Variants in LMBRD2 observed in about 807,000 individuals in gnomAD.
LMBRD2 encodes the protein LMBR1 domain containing 2, also known as G protein-coupled receptor-associated protein LMBRD2.
Under a neutral mutation model 94.4 loss-of-function variants are expected in LMBRD2, and 55 were observed. The observed-to-expected ratio is 0.58, with a 90% confidence interval of 0.47 to 0.73. LMBRD2 has a LOEUF of 0.73. Ranked by LOEUF, LMBRD2 falls within the 30% of genes least tolerant of loss-of-function variation. LMBRD2 has a pLI of 0.00. For missense variants in LMBRD2, 640 were observed against 831.9 expected (o/e 0.77, Z 2.84); for synonymous variants, 246 against 272.4 (o/e 0.90, Z 0.95).
intron 9 of LMBRD2, among the ~76,000 whole-genome samples, 183 bp downstream of exon 9, chr5:36,122,097 G>A (rs1166992280): frequency 6.6e-6 from 1 of 152,060 alleles, no homozygotes; most frequent in African/African-American, 2.4e-5. Flanking sequence ...GAAACTGATG[G>A]ATTATATGTT....
intron 4 of LMBRD2, among the ~76,000 whole-genome samples, chr5:36,138,059 C>A (rs1188553884): frequency 1.3e-5 from 2 of 152,042 alleles, no homozygotes; most frequent in Non-Finnish European, 2.9e-5. Flanking sequence ...AGGTAGAGAA[C>A]AGAAGGAGGG....
chr5:36,103,405 T>C lies in LMBRD2; in HGVS notation c.*641A>G, dbSNP rs945147607. On this transcript the variant is annotated 3_prime_UTR_variant, in exon 18 of 18. Transcript: ENST00000296603. ...GGAATACTATATCACCTGATTATAG[T>C]ACACATGCTAAATACACAGACACGC... 1.3e-5 allele frequency: 2 copies of C among 152,316 alleles called. No individual in the cohort carries two copies. Among genetic ancestry groups the C allele is most frequent in the African/African-American group, 4.8e-5 (2 of 41,418 alleles). 9.4% of individuals were successfully genotyped at this position (152,316 alleles called of 1,614,324 possible).
At chr5:36,142,716 CTTT>C (rs878956939) in intron 2 of LMBRD2, 117 bp from the exon 3 acceptor site, 262 of 392,786 alleles carry the variant, frequency 6.7e-4, no homozygotes, top group East Asian at 7.7e-4. Context: ...ATGCTTTATT[CTTT>C]TTTTTTTTTT....
At position 36,143,268 on chromosome 5, in the gene LMBRD2, T is replaced by C. The variant is rs146504133; in HGVS notation, c.82A>G (p.Lys28Glu). Residue 28 changes from lysine (K) to glutamate (E), a missense_variant, in exon 2 of 18, where the codon AAG becomes GAG. Physicochemically the swap from Lys to Glu is moderately conservative, Grantham distance 56. Around this residue, in one of 2 missense-constraint regions of LMBRD2, gnomAD observed 457 missense variants for 642.8 expected, o/e 0.71. Transcript: ENST00000296603. ...ATAATCACAAGTCTATGCTGTTTCTTAAAGTCTCCATATCGATGAAGCAGA... is the reference window on the plus strand; with the variant it reads ...ATAATCACAAGTCTATGCTGTTTCTCAAAGTCTCCATATCGATGAAGCAGA... The part of the protein sequence containing the change: ...LFLLHRYGDF[K>E]KQHRLVIIGT... The C allele has an allele frequency of 4.6e-4, 737 of 1,612,942 alleles. 8 individuals carry two copies. In the Middle Eastern group the frequency reaches 7.8e-3, roughly 17 times the overall value.
chr5:36,133,451 G>A (rs1744200255), intron 6 of LMBRD2, among the ~76,000 whole-genome samples: 1 of 152,108 alleles, frequency 6.6e-6, no homozygotes, highest in Non-Finnish European at 1.5e-5. Context: ...GGTGACTACA[G>A]TCAATAATGT....
At position 36,108,646 on chromosome 5, in the gene LMBRD2, A is replaced by G. The variant is rs1280919741; in HGVS notation, c.1792-7T>C. 7.4e-7 allele frequency: 1 copy of G among 1,347,384 alleles called. No homozygotes were observed. The highest frequency in any genetic ancestry group is 1.0e-6 in the Non-Finnish European group (1 of 966,222). 83.5% of individuals were successfully genotyped at this position (1,347,384 alleles called of 1,614,324 possible). On this transcript the variant is annotated splice_region_variant and splice_polypyrimidine_tract_variant and intron_variant, in intron 15 of 17. Coordinates refer to ENST00000296603, the MANE Select transcript of LMBRD2 (RefSeq NM_001007527.2). ...CATAACGTTCTTTCCATTCCTAGAA[A>G]AGAAGCACAAATAATCATATAATAG... is the stretch of plus-strand genomic sequence containing the variant.
intron 8 of LMBRD2, 45 bp from the exon 9 acceptor site, chr5:36,122,508 C>G: frequency 6.6e-7 from 1 of 1,512,782 alleles, no homozygotes; most frequent in Non-Finnish European, 9.1e-7. Flanking sequence ...TCTGATCCAA[C>G]AGTGGTTCAA....
intron 4 of LMBRD2, among the ~76,000 whole-genome samples, chr5:36,138,771 C>T (rs1217830314): frequency 1.3e-5 from 2 of 152,216 alleles, no homozygotes. Flanking sequence ...GGAAAGGAAT[C>T]TGAATTGAGA....
intron 6 of LMBRD2, among the ~76,000 whole-genome samples, chr5:36,125,987 A>G (rs1306489910): frequency 6.6e-6 from 1 of 152,228 alleles, no homozygotes; most frequent in Non-Finnish European, 1.5e-5. Context: ...GAAAAAGTCC[A>G]GTGTGATTAC....
chr5:36,120,553 C>T (rs1012290546), intron 9 of LMBRD2, among the ~76,000 whole-genome samples: 1 of 152,190 alleles, frequency 6.6e-6, no homozygotes, highest in Non-Finnish European at 1.5e-5. Flanking sequence ...GCCACCGCGC[C>T]TGGCCTCAAA....
At chr5:36,122,132 T>C (rs572960531) in intron 9 of LMBRD2, 148 bp downstream of exon 9, 4 of 575,524 alleles carry the variant, frequency 7.0e-6, no homozygotes, top group Admixed American at 3.6e-5. Context: ...ACAGTTATTT[T>C]GGGGAAATGT....
chr5:36,134,984 C>T (rs1220081419), intron 6 of LMBRD2, among the ~76,000 whole-genome samples: 1 of 152,108 alleles, frequency 6.6e-6, no homozygotes, highest in Non-Finnish European at 1.5e-5. Flanking sequence ...GTCATCAAGC[C>T]AGATCAATTC....
chr5:36,134,820 T>C (rs772393159), intron 6 of LMBRD2, among the ~76,000 whole-genome samples: 1 of 152,190 alleles, frequency 6.6e-6, no homozygotes, highest in African/African-American at 2.4e-5. Flanking sequence ...AGGAAGCTAA[T>C]AAAGCTTCCC....
intron 17 of LMBRD2, among the ~76,000 whole-genome samples, 189 bp downstream of exon 17, chr5:36,104,879 A>G (rs1254153981): frequency 6.6e-6 from 1 of 152,090 alleles, no homozygotes; most frequent in Non-Finnish European, 1.5e-5. Context: ...ATATAAAAGC[A>G]TTAGAAAGTC....
intron 13 of LMBRD2, 28 bp from the exon 14 acceptor site, chr5:36,111,286 C>T (rs752788177): frequency 1.4e-6 from 2 of 1,387,246 alleles, no homozygotes; most frequent in Non-Finnish European, 2.0e-6. Flanking sequence ...TTTAAAAAGA[C>T]AAACATTATT....
At position 36,099,533 on chromosome 5, in the gene LMBRD2, T is replaced by TC. The variant is rs753497151; in HGVS notation, c.*4512dup. 43 of 152,280 alleles carry TC rather than the reference T, an allele frequency of 2.8e-4. No individual in the cohort carries two copies. Among genetic ancestry groups the TC allele is most frequent in the Admixed American group, 5.2e-4 (8 of 15,268 alleles). The allele number at this position is 152,280 out of a possible 1,614,324, so 9.4% of individuals were successfully genotyped here. ...TGCCAGCATTGTTGAGAAATGCAGT[T>TC]CCAAATTAGTAGGCTAATAACATTT... On this transcript the variant is annotated 3_prime_UTR_variant, in exon 18 of 18. Coordinates refer to ENST00000296603, the MANE Select transcript of LMBRD2 (RefSeq NM_001007527.2).
chr5:36,140,902 T>G, intron 4 of LMBRD2: 1 of 383,154 alleles, frequency 2.6e-6, no homozygotes, highest in Non-Finnish European at 4.7e-6. Flanking sequence ...CCTCCAGTTT[T>G]AGAGTGCAGT....
chr5:36,109,670 A>G (rs961321760), intron 15 of LMBRD2, among the ~76,000 whole-genome samples: 1 of 152,088 alleles, frequency 6.6e-6, no homozygotes, highest in Non-Finnish European at 1.5e-5. Context: ...GTATTTATTC[A>G]TTCGACAAAT....
rs962418891 is a variant in LMBRD2, at chr5:36,099,952, G to T, written c.*4094C>A. ...GGGAAGTAAGACAGAGCAGGACTACGGCCTGCCCTACTGGAGGAAATTGCT... is the reference window on the plus strand; with the variant it reads ...GGGAAGTAAGACAGAGCAGGACTACTGCCTGCCCTACTGGAGGAAATTGCT... On this transcript the variant is annotated 3_prime_UTR_variant, in exon 18 of 18. Transcript: ENST00000296603. 6.6e-6 allele frequency: 1 copy of T among 152,152 alleles called. No homozygotes were observed. The highest frequency in any genetic ancestry group is 1.9e-4 in the East Asian group (1 of 5,166). The allele number at this position is 152,152 out of a possible 1,614,324, so 9.4% of individuals were successfully genotyped here.
Sources: gnomAD v4.1 joint callset for allele counts (sites outside exome capture counted in the v4.1 genomes callset) on GRCh38, gnomAD v4.1.1 for gene constraint, gnomAD v4.1.1 regional missense constraint, MANE v1.5 for transcripts, NCBI Gene and HGNC (gene_info 2026-07-23, HGNC 2026-07-21) for gene names.